GABRG2: variants seen among roughly 807,000 people sequenced by gnomAD.
The protein encoded by GABRG2 is gamma-aminobutyric acid type A receptor subunit gamma2, also known as gamma-aminobutyric acid receptor subunit gamma-2.
GABRG2 carries 16 observed loss-of-function variants against 56.4 expected under a neutral mutation model. The observed-to-expected ratio is 0.28, with a 90% CI of 0.19 to 0.43. The LOEUF is 0.43. GABRG2 is among the 20% of genes least tolerant of loss of function. GABRG2 has a pLI of 1.00. For synonymous variants in GABRG2, 208 were observed against 205.5 expected (o/e 1.01, Z -0.10); for missense variants, 327 against 582.7 (o/e 0.56, Z 4.52).
At chr5:162,079,649 A>C (rs1459708717) in intron 1 of GABRG2, among the ~76,000 whole-genome samples, 1 of 151,986 alleles carries the variant, frequency 6.6e-6, no homozygotes, top group Non-Finnish European at 1.5e-5. Context: ...GATAATATAT[A>C]ACACTGCTTT....
chr5:162,151,657 CT>C (rs912927082), intron 8 of GABRG2, 72 bp from the exon 9 acceptor site: 136 of 1,246,132 alleles, frequency 1.1e-4, no homozygotes, highest in Middle Eastern at 1.9e-4. Flanking sequence ...TTGTCTCTCT[CT>C]TTTTTTTTCA....
Position 162,151,755 on chromosome 5 carries a change from T to G in GABRG2, c.1152+2T>G. On this transcript the variant is annotated splice_donor_variant, in intron 9 of 9. Transcript: ENST00000639213. LOFTEE classifies it high-confidence loss of function. Reference sequence around the variant, plus strand: ...CTTCTTCGGATGTTTTCCTTCAAGGTATAATGTTTTTGGAATGGAAATTCA... The same window carrying G: ...CTTCTTCGGATGTTTTCCTTCAAGGGATAATGTTTTTGGAATGGAAATTCA... 6.2e-7 allele frequency: 1 copy of G among 1,611,048 alleles called. No homozygotes were observed. Among genetic ancestry groups the G allele is most frequent in the Non-Finnish European group, 8.5e-7 (1 of 1,177,952 alleles).
At chr5:162,131,301 G>A (rs1458450155) in intron 6 of GABRG2, among the ~76,000 whole-genome samples, 1 of 152,008 alleles carries the variant, frequency 6.6e-6, no homozygotes, top group East Asian at 1.9e-4. Context: ...ACATCTTCTA[G>A]TGCAGAAGCA....
At chr5:162,093,177 A>T (rs1404520703) in intron 1 of GABRG2, among the ~76,000 whole-genome samples, 5 of 152,166 alleles carry the variant, frequency 3.3e-5, no homozygotes, top group Non-Finnish European at 5.9e-5. Context: ...GCCATGATAA[A>T]GGGTGGTTTA....
Position 162,149,358 on chromosome 5 carries a change from C to T in GABRG2, c.1128+45C>T, listed in dbSNP as rs775906836. 4.1e-5 allele frequency: 66 copies of T among 1,591,710 alleles called. No homozygotes were observed. The East Asian group carries it at 7.6e-4, about 18-fold the overall frequency. ...GGCACCATTGAAATTTTTATGATTTCGGTTTAGTTTGTTTTCATTAGCCTA... is the reference window on the plus strand; with the variant it reads ...GGCACCATTGAAATTTTTATGATTTTGGTTTAGTTTGTTTTCATTAGCCTA... On this transcript the variant is annotated intron_variant, in intron 8 of 9. Transcript: ENST00000639213.
rs549710272 is a variant in GABRG2 at position 162,085,770 on chromosome 5, C to T, written c.108-8058C>T. ...AAAGGCCCCAGTGTGTGTTGCTCCT[C>T]TCTATTTGTCCATGTGTCCTCATTG... On this transcript the variant is annotated intron_variant, in intron 1 of 9. Coordinates refer to ENST00000639213, the MANE Select transcript of GABRG2 (RefSeq NM_198904.4). Among the ~76,000 whole-genome samples the T allele has an allele frequency of 1.8e-4, 27 of 151,946 alleles. No homozygotes were observed. The Admixed American group carries it at 1.8e-3, about 10-fold the overall frequency.
At chr5:162,144,583 A>T (rs1764819178) in intron 7 of GABRG2, among the ~76,000 whole-genome samples, 1 of 152,204 alleles carries the variant, frequency 6.6e-6, no homozygotes, top group East Asian at 1.9e-4. Context: ...CAACACCTGC[A>T]TGTAGAAGTT....
In GABRG2 at chr5:162,154,220, A is replaced by G. The variant is rs1765568691; in HGVS notation, c.*852A>G. 1 of 152,158 alleles carries G rather than the reference A, an allele frequency of 6.6e-6. No homozygotes were observed. The highest frequency in any genetic ancestry group is 1.5e-5 in the Non-Finnish European group (1 of 68,012). 9.4% of individuals were successfully genotyped at this position (152,158 alleles called of 1,614,324 possible). ...ATATGCCCAATTTCATAACTAGAGT[A>G]TAAAGTAATTGTATGTGCTTGCCGC... On this transcript the variant is annotated 3_prime_UTR_variant, in exon 10 of 10. Coordinates refer to ENST00000639213, the MANE Select transcript of GABRG2 (RefSeq NM_198904.4).
At chr5:162,098,600 C>T (rs1761172169) in intron 4 of GABRG2, 1 of 152,146 alleles carries the variant, frequency 6.6e-6, no homozygotes, top group African/African-American at 2.4e-5. Context: ...ACGAATCAGA[C>T]ATCCGACTTT....
At chr5:162,102,533 G>C in intron 5 of GABRG2, 1 of 454,048 alleles carries the variant, frequency 2.2e-6, no homozygotes, top group South Asian at 1.6e-5. Context: ...TTGTTGTTTT[G>C]TTTTGTTTTG....
chr5:162,078,549 G>A (rs1339954261), intron 1 of GABRG2, among the ~76,000 whole-genome samples: 1 of 150,750 alleles, frequency 6.6e-6, no homozygotes. Context: ...GGGACTACAG[G>A]TGCCTGCCAC....
intron 9 of GABRG2, chr5:162,152,554 A>T (rs1010053504): frequency 2.0e-5 from 7 of 355,850 alleles, no homozygotes; most frequent in African/African-American, 4.3e-5. Flanking sequence ...CCTTTAAAAC[A>T]TAAGCCATAC....
intron 7 of GABRG2, among the ~76,000 whole-genome samples, chr5:162,144,059 CTGAAACAAACCCCAAATATGT>C (rs1336527033): frequency 3.3e-5 from 5 of 152,178 alleles, no homozygotes; most frequent in Non-Finnish European, 5.9e-5. Flanking sequence ...ATGCTACACG[CTGAAACAAACCCCAAATATGT>C]TGAGCCTATT....
intron 1 of GABRG2, among the ~76,000 whole-genome samples, chr5:162,078,905 TAAAC>T: frequency 6.6e-6 from 1 of 151,566 alleles, no homozygotes; most frequent in Non-Finnish European, 1.5e-5. Context: ...TTTGTCTAGA[TAAAC>T]AAAAGTCTAC....
At chr5:162,112,402 G>T (rs1388810201) in intron 6 of GABRG2, among the ~76,000 whole-genome samples, 1 of 99,054 alleles carries the variant, frequency 1.0e-5, no homozygotes, top group East Asian at 2.8e-4. Context: ...AAATAAATTT[G>T]AAAGACATTT....
intron 6 of GABRG2, among the ~76,000 whole-genome samples, chr5:162,108,533 C>T (rs1306158196): frequency 1.3e-5 from 2 of 152,174 alleles, no homozygotes; most frequent in Non-Finnish European, 1.5e-5. Flanking sequence ...ATCTCTTCAA[C>T]AGTGCCTTTG....
chr5:162,145,796 T>C (rs1452908799), intron 7 of GABRG2, among the ~76,000 whole-genome samples: 1 of 152,202 alleles, frequency 6.6e-6, no homozygotes, highest in East Asian at 1.9e-4. Context: ...GAGGGTCAAG[T>C]ATAGCCTCAG....
At chr5:162,084,527 G>T (rs1217809740) in intron 1 of GABRG2, among the ~76,000 whole-genome samples, 1 of 151,770 alleles carries the variant, frequency 6.6e-6, no homozygotes, top group African/African-American at 2.4e-5. Flanking sequence ...GAATACCAAA[G>T]TCTTGGTCTC....
intron 6 of GABRG2, among the ~76,000 whole-genome samples, chr5:162,106,595 C>T (rs1327552367): frequency 6.6e-6 from 1 of 152,136 alleles, no homozygotes; most frequent in South Asian, 2.1e-4. Flanking sequence ...GGGAAATTAT[C>T]AGGAGATCAA....
Sources: gnomAD v4.1 joint callset for allele counts (sites outside exome capture counted in the v4.1 genomes callset) on GRCh38, gnomAD v4.1.1 for gene constraint, MANE v1.5 for transcripts, NCBI Gene and HGNC (gene_info 2026-07-23, HGNC 2026-07-21) for gene names.